Variants in PZP observed in about 807,000 individuals in gnomAD.
PZP encodes pregnancy zone protein.
PZP carries 150 observed loss-of-function variants against 179.8 expected under a neutral mutation model. The ratio of observed to expected loss-of-function variants is 0.83; its 90% CI spans 0.73 to 0.96. The LOEUF (loss-of-function observed/expected upper bound fraction) is 0.96. PZP is among the 40% of genes least tolerant of loss of function. The pLI is 0.00. For missense variants in PZP, 1,689 were observed against 1,764.0 expected, an observed-to-expected ratio of 0.96 and a Z score of 0.76; for synonymous variants, 624 against 652.3, an observed-to-expected ratio of 0.96 and a Z score of 0.66.
chr12:9,187,493 C>G (rs942912928), intron 13 of PZP, among the ~76,000 whole-genome samples: 3 of 152,132 alleles, frequency 2.0e-5, no homozygotes, highest in African/African-American at 7.2e-5. Flanking sequence ...CTCGGACTAC[C>G]ATGTGATTAA....
intron 4 of PZP, 136 bp downstream of exon 4, chr12:9,202,183 A>G (rs915234268): frequency 5.2e-6 from 4 of 767,654 alleles, no homozygotes; most frequent in Admixed American, 2.6e-5. Flanking sequence ...TAAGACTGCA[A>G]ATCTGTGCTG....
Position 9,160,408 on chromosome 12 carries a change from T to C in PZP, c.2955A>G (p.Leu985=). 1.9e-6 allele frequency: 3 copies of C among 1,614,044 alleles called. No homozygotes were observed. The highest frequency in any genetic ancestry group is 1.1e-5 in the South Asian group (1 of 91,088). The stretch of plus-strand genomic sequence containing the variant: ...TCAAGACATAGATGTTAGGAGCAAA[T>C]AGGACCATGTTCTGTTCTCCACAGC... ...PYGCGEQNMV[L]FAPNIYVLNY... The change falls in exon 24 of 36, where the codon CTA becomes CTG. Residue 985 remains leucine, a synonymous_variant. Coordinates refer to ENST00000261336, the MANE Select transcript of PZP (RefSeq NM_002864.3).
At chr12:9,176,028 A>G (rs1942339584) in intron 15 of PZP, among the ~76,000 whole-genome samples, 1 of 152,210 alleles carries the variant, frequency 6.6e-6, no homozygotes, top group South Asian at 2.1e-4. Flanking sequence ...CTGCAGCACT[A>G]TTCACGATAG....
rs772441134 is a variant in PZP at position 9,181,707 on chromosome 12, G to A, written c.1689+268C>T. 3.3e-5 allele frequency among the ~76,000 whole-genome samples: 5 copies of A among 152,172 alleles called. No homozygotes were observed. The East Asian group carries it at 5.8e-4, about 18-fold the overall frequency. On this transcript the variant is annotated intron_variant, in intron 14 of 35. Coordinates refer to ENST00000261336, the MANE Select transcript of PZP (RefSeq NM_002864.3). ...TTCTTCAGGTTTTGGGAACTTTTGA[G>A]TCTTAGCATTTTACATACTCACACA... is the stretch of plus-strand genomic sequence containing the variant.
Position 9,149,542 on chromosome 12 carries a change from A to C in PZP, c.4426+19T>G. The C allele has an allele frequency of 6.2e-7, 1 of 1,608,564 alleles. No individual in the cohort carries two copies. The highest frequency in any genetic ancestry group is 8.5e-7 in the Non-Finnish European group (1 of 1,176,054). On this transcript the variant is annotated intron_variant, in intron 35 of 35. Transcript: ENST00000261336. ...GGGTTAATGCCATCTAGTACTGGTC[A>C]TAAGTGGTGAACTCTTACCTGTGCT...
chr12:9,155,630 A>T (rs1008257919), intron 28 of PZP, among the ~76,000 whole-genome samples: 14 of 152,188 alleles, frequency 9.2e-5, no homozygotes, highest in Non-Finnish European at 5.9e-5. Flanking sequence ...TACAAGATAG[A>T]TTGAGTTTAA....
intron 25 of PZP, among the ~76,000 whole-genome samples, chr12:9,159,391 A>G (rs780941371): frequency 2.0e-5 from 3 of 152,318 alleles, no homozygotes; most frequent in African/African-American, 7.2e-5. Context: ...CAGGGTAGCT[A>G]TAAGAATTAA....
chr12:9,198,197 A>G (rs1943946408), intron 7 of PZP, among the ~76,000 whole-genome samples: 2 of 151,536 alleles, frequency 1.3e-5, no homozygotes, highest in South Asian at 4.2e-4. Context: ...AGCTTTTTAA[A>G]AAGATTAGCT....
chr12:9,150,917 C>A (rs16918120), intron 33 of PZP, among the ~76,000 whole-genome samples, 171 bp from the exon 34 acceptor site: 1,551 of 152,294 alleles, frequency 0.01, 28 homozygotes, highest in African/African-American at 0.035. Flanking sequence ...ACTCTATTTA[C>A]AGTCAACAAA....
chr12:9,157,957 T>G, intron 26 of PZP, 116 bp from the exon 27 acceptor site: 1 of 861,782 alleles, frequency 1.2e-6, no homozygotes. Context: ...TACCATTTCC[T>G]TCTCTCTCTC....
At chr12:9,194,331 C>G (rs1943624283) in intron 10 of PZP, 93 bp from the exon 11 acceptor site, 1 of 1,183,748 alleles carries the variant, frequency 8.4e-7, no homozygotes, top group East Asian at 2.4e-5. Context: ...ATAACTAAAA[C>G]AACAACCTCC....
intron 34 of PZP, 137 bp downstream of exon 34, chr12:9,150,507 C>T (rs1198809188): frequency 8.6e-6 from 5 of 584,676 alleles, no homozygotes; most frequent in South Asian, 4.3e-5. Context: ...TGTAGTAAGT[C>T]GTTTTTATAG....
chr12:9,202,610 C>T lies in PZP; in HGVS notation c.342G>A (p.Arg114=), dbSNP rs140089121. ...IQIKGPTQDF[R]KRNTVLVLNT... is the part of the protein sequence containing the mutation. Reference sequence around the variant, plus strand: ...TCAGTACCAGAACTGTGTTCCTCTTCCTGAAATCTTGCGTAGGCCCCTTTA... The same window carrying T: ...TCAGTACCAGAACTGTGTTCCTCTTTCTGAAATCTTGCGTAGGCCCCTTTA... Residue 114 remains arginine (R), a synonymous_variant, in exon 3 of 36, where the codon AGG becomes AGA. Coordinates refer to ENST00000261336, the MANE Select transcript of PZP (RefSeq NM_002864.3). The T allele has an allele frequency of 7.8e-4, 1,253 of 1,614,070 alleles. 10 individuals carry two copies. The Middle Eastern group carries it at 0.018, about 23-fold the overall frequency.
At position 9,202,324 on chromosome 12, in the gene PZP, C is replaced by G. The variant is rs1366038093; in HGVS notation, c.475G>C (p.Glu159Gln). The stretch of plus-strand genomic sequence containing the variant: ...CACAGATAGTGGATGCTTACCAGTT[C>G]ATTTCGAGGGCGAAAATTTTCATCC... Reference protein sequence around the residue: ...SVDENFRPRNELIPLIYLENP... With the variant: ...SVDENFRPRNQLIPLIYLENP... The change falls in exon 4 of 36, where the codon GAA becomes CAA. Residue 159 changes from glutamate (E) to glutamine (Q), a missense_variant. By Grantham distance (29) the Glu-to-Gln change is conservative (BLOSUM62 2). This residue lies in a region of PZP where 742 missense variants were observed against 730.5 expected (regional missense o/e 1.02). Transcript: ENST00000261336. 1 of 1,613,692 alleles carries G rather than the reference C, an allele frequency of 6.2e-7. No homozygotes were observed. Among genetic ancestry groups the G allele is most frequent in the African/African-American group, 1.3e-5 (1 of 75,036 alleles).
At chr12:9,200,695 T>G (rs1027974033) in intron 6 of PZP, among the ~76,000 whole-genome samples, 197 bp downstream of exon 6, 1 of 152,202 alleles carries the variant, frequency 6.6e-6, no homozygotes, top group East Asian at 1.9e-4. Flanking sequence ...GTTTCATACT[T>G]GGCAAAGCGT....
chr12:9,181,550 T>C (rs183364046), intron 14 of PZP, among the ~76,000 whole-genome samples: 2 of 152,228 alleles, frequency 1.3e-5, no homozygotes, highest in East Asian at 1.9e-4. Flanking sequence ...TAACAAAATA[T>C]AGCTTCTCGG....
chr12:9,179,429 A>G (rs1190055575), intron 15 of PZP, among the ~76,000 whole-genome samples: 1 of 152,242 alleles, frequency 6.6e-6, no homozygotes, highest in African/African-American at 2.4e-5. Context: ...AATCATCACG[A>G]CATGCCAAGT....
rs377296642 is a variant in PZP, at chr12:9,170,909, G to A, written c.1840-1318C>T. 5.9e-5 allele frequency among the ~76,000 whole-genome samples: 9 copies of A among 152,262 alleles called. No individual in the cohort carries two copies. The East Asian group carries it at 1.5e-3, about 26-fold the overall frequency. ...CCATCTCTGCAGTTTGGTTGACTCTGCCACTCCAACCTGCTGGCTTTGGAG... is the reference window on the plus strand; with the variant it reads ...CCATCTCTGCAGTTTGGTTGACTCTACCACTCCAACCTGCTGGCTTTGGAG... On this transcript the variant is annotated intron_variant, in intron 15 of 35. Transcript: ENST00000261336. This position sits in a 1 kb window ranked among gnomAD's most constrained non-coding sequence, Gnocchi z 4.6.
chr12:9,169,567 C>A lies in PZP; in HGVS notation c.1864G>T (p.Asp622Tyr). ...SSVYNLLTVK[D>Y]LTNFPDNVDQ... ...ACATTGTCAGGAAAATTGGTGAGAT[C>A]CTTCACAGTTAGCAGATTATATACC... The change falls in exon 16 of 36, where the codon GAT (aspartate) becomes TAT (tyrosine). Residue 622 changes from aspartate to tyrosine, a missense_variant. Transcript: ENST00000261336. 6.2e-7 allele frequency: 1 copy of A among 1,612,422 alleles called. No homozygotes were observed. Among genetic ancestry groups the A allele is most frequent in the Non-Finnish European group, 8.5e-7 (1 of 1,179,384 alleles).
Sources: allele counts gnomAD v4.1 joint callset (sites outside exome capture counted in the v4.1 genomes callset), GRCh38; gene constraint gnomAD v4.1.1; regional missense constraint gnomAD v4.1.1; non-coding constraint Gnocchi (gnomAD v3.1); transcripts MANE v1.5; gene names NCBI Gene and HGNC (gene_info 2026-07-23, HGNC 2026-07-21).